DLGAP2: variants seen among roughly 807,000 people sequenced by gnomAD.
DLGAP2 encodes DLG associated protein 2.
DLGAP2 carries 26 observed loss-of-function variants against 100.3 expected under a neutral mutation model. The ratio of observed to expected loss-of-function variants is 0.26; its 90% CI spans 0.19 to 0.36. The LOEUF is 0.36. Ranked by LOEUF, DLGAP2 falls within the 10% of genes least tolerant of loss-of-function variation. DLGAP2 has a pLI of 1.00. For synonymous variants in DLGAP2, 886 were observed against 630.1 expected (o/e 1.41, Z -6.08); for missense variants, 1,858 against 1,453.2 (o/e 1.28, Z -4.53).
intron 2 of DLGAP2, among the ~76,000 whole-genome samples, chr8:987,120 G>A (rs535893040): frequency 2.6e-5 from 4 of 152,042 alleles, no homozygotes; most frequent in Admixed American, 1.3e-4. Context: ...TGGGCATTTC[G>A]GTTCTTCCTG....
intron 1 of DLGAP2, among the ~76,000 whole-genome samples, chr8:879,511 G>C (rs1797746039): frequency 1.3e-5 from 2 of 152,150 alleles, no homozygotes; most frequent in South Asian, 4.2e-4. Flanking sequence ...CCCTGCCTTA[G>C]GTTAGAGTCA....
intron 3 of DLGAP2, among the ~76,000 whole-genome samples, chr8:1,414,645 C>G (rs76807592): frequency 0.018 from 2,749 of 152,214 alleles, 43 homozygotes; most frequent in Non-Finnish European, 0.028. Flanking sequence ...ATCCCGCCAT[C>G]TACGCACGTC....
intron 2 of DLGAP2, among the ~76,000 whole-genome samples, chr8:1,028,220 G>T (rs1801869838): frequency 2.1e-5 from 3 of 142,596 alleles, no homozygotes; most frequent in Non-Finnish European, 4.6e-5. Context: ...CAGGTGGGGT[G>T]TCAGGCGCCC....
chr8:1,036,025 C>T (rs1402834069), intron 2 of DLGAP2, among the ~76,000 whole-genome samples: 1 of 119,046 alleles, frequency 8.4e-6, no homozygotes. Context: ...CGCGTGTCAC[C>T]GCGAGTGGGT....
At chr8:783,142 C>T (rs537390651) in intron 1 of DLGAP2, among the ~76,000 whole-genome samples, 36 of 152,336 alleles carry the variant, frequency 2.4e-4, no homozygotes, top group African/African-American at 8.4e-4. Flanking sequence ...ACCTTTCCTA[C>T]TGTAAAACTT....
At chr8:1,592,797 G>A (rs549660367) in intron 6 of DLGAP2, among the ~76,000 whole-genome samples, 1 of 152,268 alleles carries the variant, frequency 6.6e-6, no homozygotes, top group South Asian at 2.1e-4. Flanking sequence ...TTATCCCACA[G>A]TAATTGTCAG....
intron 7 of DLGAP2, among the ~76,000 whole-genome samples, chr8:1,631,210 G>C (rs926063486): frequency 6.6e-6 from 1 of 152,084 alleles, no homozygotes; most frequent in Non-Finnish European, 1.5e-5. Context: ...AAGCATAGCC[G>C]AGGGTCCTTG....
chr8:1,490,634 A>G (rs966553982), intron 3 of DLGAP2, among the ~76,000 whole-genome samples: 13 of 152,084 alleles, frequency 8.5e-5, no homozygotes, highest in Non-Finnish European at 1.5e-4. Flanking sequence ...TCGGTTAATC[A>G]CTTTTGTTCT....
chr8:1,193,262 T>C (rs954866607), intron 2 of DLGAP2, among the ~76,000 whole-genome samples: 2 of 152,188 alleles, frequency 1.3e-5, no homozygotes, highest in African/African-American at 4.8e-5. Context: ...TCTTCCACAA[T>C]GGTTGAACCA....
At chr8:767,291 A>C (rs190912844) in intron 1 of DLGAP2, among the ~76,000 whole-genome samples, 1 of 151,062 alleles carries the variant, frequency 6.6e-6, no homozygotes, top group Non-Finnish European at 1.5e-5. Flanking sequence ...GAAGTCAAGC[A>C]GTTCAAGGAT....
intron 1 of DLGAP2, chr8:822,276 G>T: frequency 2.5e-6 from 1 of 399,426 alleles, no homozygotes. Context: ...CTGCTGTGAT[G>T]GGTGCTCCAC....
chr8:1,125,251 T>C (rs1312675600), intron 2 of DLGAP2, among the ~76,000 whole-genome samples: 1 of 152,240 alleles, frequency 6.6e-6, no homozygotes, highest in Non-Finnish European at 1.5e-5. Flanking sequence ...CCCTGTAAGA[T>C]ATTTCATTGT....
At chr8:1,337,427 T>C (rs1801310129) in intron 3 of DLGAP2, among the ~76,000 whole-genome samples, 1 of 61,592 alleles carries the variant, frequency 1.6e-5, no homozygotes, top group Non-Finnish European at 4.8e-5. Context: ...AGGATGATGG[T>C]GATGGTGATG....
At chr8:1,152,462 C>G (rs1796713233) in intron 2 of DLGAP2, among the ~76,000 whole-genome samples, 1 of 152,168 alleles carries the variant, frequency 6.6e-6, no homozygotes, top group East Asian at 1.9e-4. Flanking sequence ...CTGGAAGACT[C>G]TTCCTTCCTT....
At chr8:1,559,250 C>T (rs748496359) in intron 5 of DLGAP2, among the ~76,000 whole-genome samples, 4 of 152,126 alleles carry the variant, frequency 2.6e-5, no homozygotes, top group Admixed American at 6.6e-5. Context: ...GTCTGGTAGC[C>T]GTCGTGGAAA....
chr8:1,359,043 C>T (rs983098967), intron 3 of DLGAP2, among the ~76,000 whole-genome samples: 5 of 152,126 alleles, frequency 3.3e-5, no homozygotes, highest in African/African-American at 4.8e-5. Flanking sequence ...GCTTCGGATT[C>T]GGCAGGTCGG....
intron 6 of DLGAP2, among the ~76,000 whole-genome samples, chr8:1,623,450 C>T (rs1490108864): frequency 6.6e-6 from 1 of 151,588 alleles, no homozygotes; most frequent in Non-Finnish European, 1.5e-5. Flanking sequence ...GCATCATGAC[C>T]TGACACCAGC....
At chr8:831,783 T>C (rs1796789078) in intron 1 of DLGAP2, among the ~76,000 whole-genome samples, 1 of 152,230 alleles carries the variant, frequency 6.6e-6, no homozygotes, top group Non-Finnish European at 1.5e-5. Flanking sequence ...TCCTTAGGAA[T>C]GGCCACACTG....
Position 1,632,797 on chromosome 8 carries a change from G to T in DLGAP2, c.1591-30G>T, listed in dbSNP as rs774899060. ...ACGTGATGGTGACCCTGGAGGGCCG[G>T]GGCATCACGTGTGCTGTTGATGATT... On this transcript the variant is annotated intron_variant, in intron 7 of 14. Transcript: ENST00000637795. 2.5e-6 allele frequency: 4 copies of T among 1,569,118 alleles called. No homozygotes were observed. The South Asian group carries it at 4.9e-5, about 19-fold the overall frequency.
Sources: gnomAD v4.1 joint callset for allele counts (sites outside exome capture counted in the v4.1 genomes callset) on GRCh38, gnomAD v4.1.1 for gene constraint, MANE v1.5 for transcripts, NCBI Gene and HGNC (gene_info 2026-07-23, HGNC 2026-07-21) for gene names.